Variants in CCSER1 observed in about 807,000 individuals in gnomAD.
CCSER1 encodes coiled-coil serine rich protein 1, also known as serine-rich coiled-coil domain-containing protein 1.
CCSER1 carries 41 observed loss-of-function variants against 82.0 expected under a neutral mutation model. The observed-to-expected ratio is 0.50, with a 90% CI of 0.39 to 0.65. CCSER1 has a LOEUF of 0.65. CCSER1 is among the 30% of genes least tolerant of loss of function. CCSER1 has a pLI of 0.00. For missense variants in CCSER1, 1,119 were observed against 1,064.2 expected, an observed-to-expected ratio of 1.05 and a Z score of -0.72; for synonymous variants, 414 against 383.9, an observed-to-expected ratio of 1.08 and a Z score of -0.92.
chr4:90,878,520 A>T (rs1311416835), intron 8 of CCSER1, among the ~76,000 whole-genome samples: 2 of 152,158 alleles, frequency 1.3e-5, no homozygotes. Context: ...CTAAATGAAT[A>T]ATATATCTGG....
intron 10 of CCSER1, among the ~76,000 whole-genome samples, chr4:91,588,252 G>GA (rs543317863): frequency 2.0e-5 from 3 of 150,134 alleles, no homozygotes; most frequent in South Asian, 2.1e-4. Context: ...TTTTCAAAAA[G>GA]AAAAAAAATA....
chr4:90,483,178 G>A (rs1464858646), intron 5 of CCSER1, among the ~76,000 whole-genome samples: 5 of 151,986 alleles, frequency 3.3e-5, no homozygotes, highest in Admixed American at 1.3e-4. Context: ...TGTTTTATCC[G>A]AGACTAGGAT....
intron 5 of CCSER1, among the ~76,000 whole-genome samples, chr4:90,525,180 G>T (rs1436410462): frequency 6.6e-6 from 1 of 151,862 alleles, no homozygotes; most frequent in African/African-American, 2.4e-5. Flanking sequence ...AATAAAAACA[G>T]TGCTTAAAAT....
In CCSER1 at chr4:90,526,412, T is replaced by C. The variant is rs186195738; in HGVS notation, c.1724+58058T>C. Among the ~76,000 whole-genome samples the C allele has an allele frequency of 4.6e-5, 7 of 152,306 alleles. No homozygotes were observed. In the East Asian group the frequency reaches 1.3e-3, roughly 29 times the overall value. On this transcript the variant is annotated intron_variant, in intron 5 of 10. Coordinates refer to ENST00000509176, the MANE Select transcript of CCSER1 (RefSeq NM_001145065.2). ...GCTAACATCAGAAGGCTTTTTTTTT[T>C]CTTATACTTTAATTTCTGGGATACA...
intron 9 of CCSER1, among the ~76,000 whole-genome samples, chr4:91,073,209 T>C (rs1409301522): frequency 1.3e-5 from 2 of 152,128 alleles, no homozygotes; most frequent in African/African-American, 4.8e-5. Flanking sequence ...TGTATTTCAA[T>C]AGATTTTAGC....
At chr4:90,277,119 A>G (rs1050921505) in intron 1 of CCSER1, among the ~76,000 whole-genome samples, 4 of 152,084 alleles carry the variant, frequency 2.6e-5, no homozygotes, top group Non-Finnish European at 5.9e-5. Flanking sequence ...GACTTCCAGA[A>G]CTATGTTAAA....
chr4:90,470,102 A>C (rs1272542955), intron 5 of CCSER1, among the ~76,000 whole-genome samples: 1 of 152,120 alleles, frequency 6.6e-6, no homozygotes, highest in Non-Finnish European at 1.5e-5. Context: ...GTAAATTCTC[A>C]AGTTGTTCCA....
intron 5 of CCSER1, among the ~76,000 whole-genome samples, chr4:90,550,442 G>A (rs979437738): frequency 6.6e-6 from 1 of 151,916 alleles, no homozygotes; most frequent in Admixed American, 6.6e-5. Context: ...GTTTCATTTA[G>A]CCAAATATTT....
Position 90,448,444 on chromosome 4 carries a change from AATATATATATATATATATATAT to A in CCSER1, c.1604-19770_1604-19749del, listed in dbSNP as rs70963067. On this transcript the variant is annotated intron_variant, in intron 4 of 10. Coordinates refer to ENST00000509176, the MANE Select transcript of CCSER1 (RefSeq NM_001145065.2). Reference sequence around the variant, plus strand: ...GCTTTTTTTTTCTCTAGGTGAATTGAATATATATATATATATATATATATATATATATATATATATAGCACTT... The same window carrying A: ...GCTTTTTTTTTCTCTAGGTGAATTGAATATATATATATATATATAGCACTT... Among the ~76,000 whole-genome samples the A allele has an allele frequency of 3.4e-3, 151 of 44,084 alleles. 1 individual carries two copies. Among genetic ancestry groups the A allele is most frequent in the South Asian group, 0.018 (10 of 548 alleles). The allele number at this position is 44,084 out of a possible 152,430, so 28.9% of individuals were successfully genotyped here. A position where few individuals can be genotyped will look rare whatever the true frequency, so the allele number is the denominator to read the frequency against.
chr4:90,565,317 G>A (rs900543426), intron 5 of CCSER1, among the ~76,000 whole-genome samples: 8 of 151,000 alleles, frequency 5.3e-5, no homozygotes, highest in Non-Finnish European at 1.0e-4. Context: ...ATATTTTGCT[G>A]TTAGTGCATA....
chr4:91,037,772 G>A (rs928946968), intron 9 of CCSER1, among the ~76,000 whole-genome samples: 2 of 151,434 alleles, frequency 1.3e-5, no homozygotes, highest in African/African-American at 4.8e-5. Flanking sequence ...AAAAATATTT[G>A]ATGGAAATAA....
intron 5 of CCSER1, among the ~76,000 whole-genome samples, chr4:90,582,478 A>G (rs1436634124): frequency 6.6e-6 from 1 of 152,226 alleles, no homozygotes; most frequent in Non-Finnish European, 1.5e-5. Context: ...GCTACTCCAC[A>G]TGATTAGTAC....
At chr4:91,268,936 G>T (rs1741822438) in intron 10 of CCSER1, among the ~76,000 whole-genome samples, 2 of 152,202 alleles carry the variant, frequency 1.3e-5, no homozygotes, top group South Asian at 4.1e-4. Flanking sequence ...ATACGTGCAG[G>T]CTTGGGCTCA....
intron 10 of CCSER1, among the ~76,000 whole-genome samples, chr4:91,155,686 T>A (rs1165685504): frequency 1.3e-5 from 2 of 152,008 alleles, no homozygotes; most frequent in Non-Finnish European, 2.9e-5. Flanking sequence ...TGAAAATACA[T>A]GGTTAATTAT....
chr4:90,193,958 G>T (rs1379152706), intron 1 of CCSER1, among the ~76,000 whole-genome samples: 1 of 151,984 alleles, frequency 6.6e-6, no homozygotes, highest in African/African-American at 2.4e-5. Flanking sequence ...TAAATATGCT[G>T]TATCAATTGT....
At chr4:90,884,333 C>T (rs1184124241) in intron 8 of CCSER1, among the ~76,000 whole-genome samples, 1 of 151,894 alleles carries the variant, frequency 6.6e-6, no homozygotes, top group Non-Finnish European at 1.5e-5. Flanking sequence ...AAAAGTAGCC[C>T]CATTTAGGGG....
At chr4:90,412,474 A>G (rs192982109) in intron 4 of CCSER1, among the ~76,000 whole-genome samples, 60 of 152,036 alleles carry the variant, frequency 3.9e-4, no homozygotes, top group Admixed American at 7.2e-4. Flanking sequence ...ATAATAATAA[A>G]AAAAAGAATT....
rs1206652991 is a variant in CCSER1 at position 90,284,785 on chromosome 4, G to C, written c.-41-23459G>C. On this transcript the variant is annotated intron_variant, in intron 1 of 10. Transcript: ENST00000509176. ...TGGGATTACAGGCATGAGCCACTGT[G>C]CCTGGCCTTGAGTTGATTTTTGTAT... Among the ~76,000 whole-genome samples, 4 of 151,982 alleles carry C rather than the reference G, an allele frequency of 2.6e-5. No homozygotes were observed. The South Asian group carries it at 8.3e-4, about 32-fold the overall frequency.
intron 1 of CCSER1, among the ~76,000 whole-genome samples, chr4:90,246,992 C>A (rs894496479): frequency 2.0e-5 from 3 of 151,970 alleles, no homozygotes; most frequent in Non-Finnish European, 4.4e-5. Context: ...AAAAAAGGTT[C>A]TTTGAACACA....
Sources: allele counts gnomAD v4.1 joint callset (sites outside exome capture counted in the v4.1 genomes callset), GRCh38; gene constraint gnomAD v4.1.1; transcripts MANE v1.5; gene names NCBI Gene and HGNC (gene_info 2026-07-23, HGNC 2026-07-21).